CMSS1: variants seen among roughly 807,000 people sequenced by gnomAD.
CMSS1 encodes cms1 ribosomal small subunit homolog, also known as protein CMSS1.
CMSS1 carries 33 observed loss-of-function variants against 43.5 expected under a neutral mutation model. The ratio of observed to expected loss-of-function variants is 0.76; its 90% CI spans 0.57 to 1.01. CMSS1 has a LOEUF of 1.01. Ranked by LOEUF, CMSS1 falls within the 50% of genes least tolerant of loss-of-function variation. CMSS1 has a pLI of 0.00. For synonymous variants in CMSS1, 115 were observed against 117.2 expected, an observed-to-expected ratio of 0.98 and a Z score of 0.12; for missense variants, 313 against 326.4, an observed-to-expected ratio of 0.96 and a Z score of 0.32.
At chr3:100,047,950 T>C (rs902694120) in intron 1 of CMSS1, among the ~76,000 whole-genome samples, 1 of 152,178 alleles carries the variant, frequency 6.6e-6, no homozygotes, top group Non-Finnish European at 1.5e-5. Context: ...AGCAGACTCA[T>C]GAAAGAACGA....
intron 1 of CMSS1, among the ~76,000 whole-genome samples, chr3:100,127,491 G>T (rs2107497009): frequency 6.6e-6 from 1 of 152,312 alleles, no homozygotes; most frequent in South Asian, 2.1e-4. Context: ...TTATCTAGCT[G>T]CAAAACAGCT....
chr3:100,088,446 A>C (rs1313361606), intron 1 of CMSS1, among the ~76,000 whole-genome samples: 1 of 152,254 alleles, frequency 6.6e-6, no homozygotes, highest in Non-Finnish European at 1.5e-5. Context: ...TGGATAACTA[A>C]ATTATTCATT....
intron 1 of CMSS1, among the ~76,000 whole-genome samples, chr3:100,058,881 C>T (rs1328552237): frequency 6.6e-6 from 1 of 152,216 alleles, no homozygotes; most frequent in Non-Finnish European, 1.5e-5. Flanking sequence ...TATTCTAGAA[C>T]CTTTTTCTTT....
At chr3:100,036,790 C>A (rs1477114133) in intron 1 of CMSS1, among the ~76,000 whole-genome samples, 1 of 152,004 alleles carries the variant, frequency 6.6e-6, no homozygotes, top group Non-Finnish European at 1.5e-5. Context: ...GGTAGTGACA[C>A]TTTAACCAAG....
At chr3:100,089,495 T>G (rs2066067330) in intron 1 of CMSS1, among the ~76,000 whole-genome samples, 1 of 152,244 alleles carries the variant, frequency 6.6e-6, no homozygotes, top group South Asian at 2.1e-4. Context: ...GATGAAGATA[T>G]GAAGATTTTT....
intron 1 of CMSS1, among the ~76,000 whole-genome samples, chr3:100,034,251 G>A (rs2065069760): frequency 6.6e-6 from 1 of 152,150 alleles, no homozygotes; most frequent in Admixed American, 6.5e-5. Context: ...AGAATGGGGG[G>A]AAAAAGCTGC....
intron 1 of CMSS1, among the ~76,000 whole-genome samples, chr3:100,113,218 C>G (rs1000433651): frequency 6.6e-6 from 1 of 152,204 alleles, no homozygotes; most frequent in Non-Finnish European, 1.5e-5. Flanking sequence ...ACACATATCT[C>G]TCTTCAGTGG....
chr3:100,074,035 G>A (rs1406218636), intron 1 of CMSS1, among the ~76,000 whole-genome samples: 1 of 152,104 alleles, frequency 6.6e-6, no homozygotes, highest in Non-Finnish European at 1.5e-5. Context: ...GTCTTCTACT[G>A]TTAACTGCGG....
intron 1 of CMSS1, among the ~76,000 whole-genome samples, chr3:100,117,981 G>T (rs1461506765): frequency 6.7e-6 from 1 of 149,982 alleles, no homozygotes; most frequent in East Asian, 2.0e-4. Context: ...AATAAATTAG[G>T]CACAAAAGGA....
chr3:99,899,221 A>G (rs758121800), intron 1 of CMSS1, among the ~76,000 whole-genome samples: 2 of 152,222 alleles, frequency 1.3e-5, no homozygotes, highest in African/African-American at 2.4e-5. Context: ...ATTTTGCATC[A>G]TATAAAGAGT....
At chr3:100,013,030 C>T (rs909292972) in intron 1 of CMSS1, among the ~76,000 whole-genome samples, 1 of 151,566 alleles carries the variant, frequency 6.6e-6, no homozygotes, top group Non-Finnish European at 1.5e-5. Context: ...CCACACCCAG[C>T]CAATTTTTTT....
intron 1 of CMSS1, among the ~76,000 whole-genome samples, chr3:99,977,485 T>C (rs772003685): frequency 2.6e-5 from 4 of 151,990 alleles, no homozygotes; most frequent in Non-Finnish European, 5.9e-5. Flanking sequence ...CTATGAGAGA[T>C]GTCAAGGAAG....
chr3:99,957,906 G>A (rs1708380499), intron 1 of CMSS1, among the ~76,000 whole-genome samples: 1 of 149,790 alleles, frequency 6.7e-6, no homozygotes, highest in Non-Finnish European at 1.5e-5. Context: ...AACAAAACCT[G>A]TGTTTGGAAC....
chr3:100,097,217 T>C (rs945829346), intron 1 of CMSS1, among the ~76,000 whole-genome samples: 1 of 152,212 alleles, frequency 6.6e-6, no homozygotes, highest in Non-Finnish European at 1.5e-5. Context: ...TGCCCTGAGA[T>C]GAACAGTTTC....
chr3:100,156,097 A>T lies in CMSS1; in HGVS notation c.154-4333A>T, dbSNP rs148857864. On this transcript the variant is annotated intron_variant, in intron 2 of 9. Coordinates refer to ENST00000421999, the MANE Select transcript of CMSS1 (RefSeq NM_032359.4). ...TTTGTCATATATATTTCTTTTTTTTAAATTTTATTTTGTCATGTTTTATGT... is the reference window on the plus strand; with the variant it reads ...TTTGTCATATATATTTCTTTTTTTTTAATTTTATTTTGTCATGTTTTATGT... 5.7e-3 allele frequency among the ~76,000 whole-genome samples: 860 copies of T among 151,586 alleles called. 9 individuals are homozygous for T. The highest frequency in any genetic ancestry group is 0.02 in the African/African-American group (809 of 41,322).
At chr3:100,062,237 G>A (rs1407863586) in intron 1 of CMSS1, among the ~76,000 whole-genome samples, 2 of 150,426 alleles carry the variant, frequency 1.3e-5, no homozygotes, top group African/African-American at 4.9e-5. Context: ...TCAGCTGCCC[G>A]AGTAGCTGGG....
chr3:100,049,265 T>C (rs1013061759), intron 1 of CMSS1, among the ~76,000 whole-genome samples: 1 of 152,238 alleles, frequency 6.6e-6, no homozygotes, highest in Non-Finnish European at 1.5e-5. Flanking sequence ...ATTTATCATC[T>C]GTTTTTGAGG....
chr3:100,041,414 C>T (rs1236896115), intron 1 of CMSS1: 2 of 152,230 alleles, frequency 1.3e-5, no homozygotes, highest in African/African-American at 2.4e-5. Flanking sequence ...CGTCTTTGTT[C>T]CTTTCCACAC....
intron 1 of CMSS1, among the ~76,000 whole-genome samples, chr3:99,954,119 A>T (rs1708253060): frequency 6.6e-6 from 1 of 152,256 alleles, no homozygotes. Context: ...GGCTCATCTC[A>T]CTTAACACTT....
Sources: gnomAD v4.1 joint callset for allele counts (sites outside exome capture counted in the v4.1 genomes callset) on GRCh38, gnomAD v4.1.1 for gene constraint, MANE v1.5 for transcripts, NCBI Gene and HGNC (gene_info 2026-07-23, HGNC 2026-07-21) for gene names.